SYT1: variants seen among roughly 807,000 people sequenced by gnomAD.
The protein encoded by SYT1 is synaptotagmin-1.
Under a neutral mutation model 44.8 loss-of-function variants are expected in SYT1, and 8 were observed. The ratio of observed to expected loss-of-function variants is 0.18; its 90% confidence interval spans 0.10 to 0.32. The LOEUF (loss-of-function observed/expected upper bound fraction) is 0.32. Among genes scored for constraint, SYT1 ranks in the 10% least tolerant of loss-of-function variants. SYT1 has a pLI of 1.00. For synonymous variants in SYT1, 154 were observed against 188.8 expected, an observed-to-expected ratio of 0.82 and a Z score of 1.51; for missense variants, 286 against 509.3, an observed-to-expected ratio of 0.56 and a Z score of 4.22.
intron 9 of SYT1, among the ~76,000 whole-genome samples, chr12:79,360,146 A>G (rs145884863): frequency 9.3e-4 from 141 of 152,124 alleles, no homozygotes; most frequent in African/African-American, 3.3e-3. Flanking sequence ...TTAAAATGCT[A>G]TGTCATAATT....
At chr12:79,223,493 G>A (rs1875300103) in intron 4 of SYT1, among the ~76,000 whole-genome samples, 1 of 152,180 alleles carries the variant, frequency 6.6e-6, no homozygotes, top group Admixed American at 6.5e-5. Context: ...AGCAGGTATG[G>A]CACTGGGGCA....
intron 3 of SYT1, among the ~76,000 whole-genome samples, chr12:79,080,454 A>G (rs889557016): frequency 6.6e-6 from 1 of 152,162 alleles, no homozygotes; most frequent in African/African-American, 2.4e-5. Context: ...AAGTTCTGCT[A>G]TAAAATATAA....
intron 4 of SYT1, among the ~76,000 whole-genome samples, chr12:79,220,307 T>C (rs1038722891): frequency 3.3e-5 from 5 of 152,050 alleles, no homozygotes; most frequent in African/African-American, 1.2e-4. Context: ...TCTTCTCTCT[T>C]TTTTCTCTTA....
intron 1 of SYT1, among the ~76,000 whole-genome samples, chr12:78,940,226 C>A (rs997654364): frequency 2.0e-5 from 3 of 151,382 alleles, no homozygotes; most frequent in African/African-American, 7.3e-5. Flanking sequence ...TTATTCTGTT[C>A]TCATGGAAGA....
intron 4 of SYT1, among the ~76,000 whole-genome samples, chr12:79,277,812 G>A (rs1878819880): frequency 6.6e-6 from 1 of 151,986 alleles, no homozygotes; most frequent in African/African-American, 2.4e-5. Context: ...AGATAAAAGA[G>A]TGGGAAAATA....
intron 3 of SYT1, among the ~76,000 whole-genome samples, chr12:79,123,169 C>G (rs1414525063): frequency 6.6e-6 from 1 of 151,272 alleles, no homozygotes; most frequent in African/African-American, 2.4e-5. Flanking sequence ...AAACCAGAAG[C>G]CAGTGGATTT....
At chr12:79,074,755 G>A (rs1876521607) in intron 3 of SYT1, among the ~76,000 whole-genome samples, 1 of 152,052 alleles carries the variant, frequency 6.6e-6, no homozygotes, top group African/African-American at 2.4e-5. Flanking sequence ...ATTTCTCTGA[G>A]CATCAGCTGA....
intron 3 of SYT1, among the ~76,000 whole-genome samples, chr12:79,078,470 T>C (rs942805301): frequency 6.6e-6 from 1 of 152,192 alleles, no homozygotes; most frequent in African/African-American, 2.4e-5. Flanking sequence ...TACCTATCTC[T>C]GAAGGAATTA....
intron 1 of SYT1, chr12:78,926,522 T>G (rs1429328279): frequency 1.3e-5 from 2 of 152,126 alleles, no homozygotes; most frequent in African/African-American, 4.8e-5. Flanking sequence ...TCTTTTTACT[T>G]CTTTTTTGAT....
intron 2 of SYT1, among the ~76,000 whole-genome samples, chr12:78,990,135 T>C (rs1869920241): frequency 6.6e-6 from 1 of 152,264 alleles, no homozygotes; most frequent in East Asian, 1.9e-4. Flanking sequence ...TATTTGAACA[T>C]GAGCTAGTGC....
At chr12:79,040,397 G>GT (rs1471273462) in intron 2 of SYT1, among the ~76,000 whole-genome samples, 11 of 152,194 alleles carry the variant, frequency 7.2e-5, no homozygotes, top group Non-Finnish European at 1.3e-4. Flanking sequence ...TTCTTCATGT[G>GT]TTTTTTGGCA....
chr12:79,300,728 T>C (rs925144794), intron 8 of SYT1, among the ~76,000 whole-genome samples: 1 of 148,340 alleles, frequency 6.7e-6, no homozygotes, highest in Non-Finnish European at 1.5e-5. Context: ...TGTATACTTA[T>C]ACTTTCCAAA....
rs114396332 is a variant in SYT1, at chr12:78,924,515, A to C, written c.-216-53284A>C. ...TTATTAGTCGAGTTTCCACCTGAAAAACAGCTTTTTTCCACCTAATTATTT... is the reference window on the plus strand; with the variant it reads ...TTATTAGTCGAGTTTCCACCTGAAACACAGCTTTTTTCCACCTAATTATTT... On this transcript the variant is annotated intron_variant, in intron 1 of 10. Transcript: ENST00000261205. 3.1e-3 allele frequency among the ~76,000 whole-genome samples: 469 copies of C among 151,236 alleles called. 3 individuals are homozygous for C. Among genetic ancestry groups the C allele is most frequent in the African/African-American group, 0.01 (422 of 41,368 alleles).
At chr12:79,233,556 G>A (rs1875997322) in intron 4 of SYT1, among the ~76,000 whole-genome samples, 1 of 152,190 alleles carries the variant, frequency 6.6e-6, no homozygotes, top group Non-Finnish European at 1.5e-5. Context: ...TTGAAGTGGT[G>A]CTTCCACGTG....
At chr12:79,283,160 G>A (rs1407463398) in intron 4 of SYT1, among the ~76,000 whole-genome samples, 1 of 151,954 alleles carries the variant, frequency 6.6e-6, no homozygotes, top group Non-Finnish European at 1.5e-5. Flanking sequence ...AAATGATAAC[G>A]TTAAGCATTT....
At chr12:79,130,437 C>T (rs1436683809) in intron 3 of SYT1, among the ~76,000 whole-genome samples, 1 of 152,180 alleles carries the variant, frequency 6.6e-6, no homozygotes, top group Non-Finnish European at 1.5e-5. Flanking sequence ...TGTTCATAAG[C>T]AGTTCTCCAT....
intron 8 of SYT1, among the ~76,000 whole-genome samples, chr12:79,345,158 C>T (rs989906596): frequency 3.9e-5 from 6 of 152,282 alleles, no homozygotes; most frequent in African/African-American, 1.4e-4. Flanking sequence ...CTCCTCCTCC[C>T]ACAGACACCA....
At chr12:79,320,332 A>G (rs1388389204) in intron 8 of SYT1, among the ~76,000 whole-genome samples, 1 of 152,218 alleles carries the variant, frequency 6.6e-6, no homozygotes, top group Non-Finnish European at 1.5e-5. Context: ...TAGTTACTAA[A>G]TGCTTGTCAT....
chr12:79,139,108 A>G (rs569179753), intron 3 of SYT1, among the ~76,000 whole-genome samples: 55 of 152,330 alleles, frequency 3.6e-4, no homozygotes, highest in African/African-American at 1.3e-3. Context: ...GCCCCCACAC[A>G]GAAACAACAT....
Sources: gnomAD v4.1 joint callset for allele counts (sites outside exome capture counted in the v4.1 genomes callset) on GRCh38, gnomAD v4.1.1 for gene constraint, MANE v1.5 for transcripts, NCBI Gene and HGNC (gene_info 2026-07-23, HGNC 2026-07-21) for gene names.